Variants in SH3KBP1 observed in about 807,000 individuals in gnomAD.
The protein encoded by SH3KBP1 is SH3 domain containing kinase binding protein 1.
Under a neutral mutation model 50.1 loss-of-function variants are expected in SH3KBP1, and 8 were observed. The ratio of observed to expected loss-of-function variants is 0.16; its 90% CI spans 0.09 to 0.29. SH3KBP1 has a LOEUF of 0.29. Ranked by LOEUF, SH3KBP1 falls within the 10% of genes least tolerant of loss-of-function variation. The pLI, the probability that SH3KBP1 is intolerant of heterozygous loss-of-function variation, is 1.00. For missense variants in SH3KBP1, 377 were observed against 535.2 expected (o/e 0.70, Z 2.92); for synonymous variants, 227 against 218.6 (o/e 1.04, Z -0.34).
intron 6 of SH3KBP1, among the ~76,000 whole-genome samples, chrX:19,673,065 C>CAA (rs1174045446): frequency 4.6e-4 from 17 of 37,243 alleles, no homozygotes; most frequent in African/African-American, 7.4e-4. Context: ...GATTCTGTCT[C>CAA]AAAAAAAAAA....
chrX:19,539,343 T>C (rs1467554369), intron 16 of SH3KBP1, among the ~76,000 whole-genome samples: 1 of 112,481 alleles, frequency 8.9e-6, no homozygotes, highest in Non-Finnish European at 1.9e-5. Context: ...TCTGGGGCAG[T>C]GTCCCAGCTC....
intron 1 of SH3KBP1, among the ~76,000 whole-genome samples, chrX:19,842,114 T>C (rs762346524): frequency 1.5e-4 from 17 of 111,834 alleles, no homozygotes; most frequent in Non-Finnish European, 2.8e-4. Context: ...CTTTTTGGGG[T>C]GACGGAAATA....
chrX:19,753,842 GT>G (rs1454851661), intron 2 of SH3KBP1, among the ~76,000 whole-genome samples: 1 of 112,157 alleles, frequency 8.9e-6, no homozygotes, highest in Non-Finnish European at 1.9e-5. Context: ...TAAAGCAAGG[GT>G]GATGGGCACA....
intron 6 of SH3KBP1, among the ~76,000 whole-genome samples, chrX:19,668,212 A>G (rs1259556725): frequency 2.7e-5 from 3 of 110,928 alleles, no homozygotes; most frequent in Non-Finnish European, 5.7e-5. Context: ...GGCTCAAAAA[A>G]AAGTCTGGAA....
chrX:19,801,863 G>A (rs1249064196), intron 2 of SH3KBP1, among the ~76,000 whole-genome samples: 1 of 111,760 alleles, frequency 8.9e-6, no homozygotes, highest in Non-Finnish European at 1.9e-5. Context: ...ATCCCTTGAG[G>A]TCAGGAGTTT....
chrX:19,741,235 T>G (rs1416763525), intron 3 of SH3KBP1, among the ~76,000 whole-genome samples: 3 of 111,910 alleles, frequency 2.7e-5, no homozygotes, highest in Non-Finnish European at 5.6e-5. Flanking sequence ...TACCCACATA[T>G]CAATTCAGAG....
intron 4 of SH3KBP1, among the ~76,000 whole-genome samples, chrX:19,697,878 G>T (rs2063456953): frequency 8.9e-6 from 1 of 111,983 alleles, no homozygotes; most frequent in African/African-American, 3.2e-5. Context: ...GTAGGATACA[G>T]ACTTACAGAG....
At chrX:19,744,424 G>C (rs1424779147) in intron 3 of SH3KBP1, among the ~76,000 whole-genome samples, 1 of 111,896 alleles carries the variant, frequency 8.9e-6, no homozygotes, top group Non-Finnish European at 1.9e-5. Context: ...GACTGGTGGG[G>C]GAGGGCCAGA....
chrX:19,762,142 T>C (rs1044060812), intron 2 of SH3KBP1, among the ~76,000 whole-genome samples: 10 of 112,983 alleles, frequency 8.9e-5, no homozygotes, highest in Non-Finnish European at 1.7e-4. Context: ...ACCTTTAAGC[T>C]GTCCCTGTTC....
In SH3KBP1 at chrX:19,811,061, T is replaced by C. The variant is rs745392764; in HGVS notation, c.162+25064A>G. Among the ~76,000 whole-genome samples, 5 of 112,212 alleles carry C rather than the reference T, an allele frequency of 4.5e-5. No individual in the cohort carries two copies. The East Asian group carries it at 1.4e-3, about 31-fold the overall frequency. ...TTAACACAGAGTAGCTGAAACTACT[T>C]TCATAGGGCAGATGTATTTTTTTAA... On this transcript the variant is annotated intron_variant, in intron 2 of 17. Coordinates refer to ENST00000397821, the MANE Select transcript of SH3KBP1 (RefSeq NM_031892.3).
chrX:19,774,765 T>G (rs2065921959), intron 2 of SH3KBP1, among the ~76,000 whole-genome samples: 1 of 110,189 alleles, frequency 9.1e-6, no homozygotes, highest in Non-Finnish European at 1.9e-5. Context: ...ATATGGGGGG[T>G]TTATTAACTT....
At chrX:19,788,474 A>T (rs2066432089) in intron 2 of SH3KBP1, among the ~76,000 whole-genome samples, 1 of 110,186 alleles carries the variant, frequency 9.1e-6, no homozygotes, top group Admixed American at 9.7e-5. Flanking sequence ...AACCCTGCCC[A>T]CACCTTGATC....
intron 8 of SH3KBP1, among the ~76,000 whole-genome samples, chrX:19,623,168 GTTA>G (rs1326443479): frequency 4.5e-5 from 5 of 111,103 alleles, no homozygotes; most frequent in Admixed American, 9.6e-5. Context: ...GACAAAGAGG[GTTA>G]TTATAAAATA....
At chrX:19,829,373 G>C (rs1333654185) in intron 2 of SH3KBP1, among the ~76,000 whole-genome samples, 1 of 110,630 alleles carries the variant, frequency 9.0e-6, no homozygotes, top group Non-Finnish European at 1.9e-5. Context: ...CAATTTCCTA[G>C]GGGGAGAGGA....
chrX:19,742,305 T>C (rs1420163130), intron 3 of SH3KBP1, among the ~76,000 whole-genome samples: 1 of 110,743 alleles, frequency 9.0e-6, no homozygotes, highest in Non-Finnish European at 1.9e-5. Flanking sequence ...CTTGCTATGT[T>C]GCCCAGGCTG....
intron 3 of SH3KBP1, among the ~76,000 whole-genome samples, chrX:19,735,408 T>G (rs2064520361): frequency 9.1e-6 from 1 of 110,410 alleles, no homozygotes; most frequent in Non-Finnish European, 1.9e-5. Context: ...AGGCTATTAA[T>G]TTGAGATCTG....
intron 7 of SH3KBP1, among the ~76,000 whole-genome samples, chrX:19,633,584 TACA>T (rs2061628095): frequency 8.9e-6 from 1 of 112,237 alleles, no homozygotes; most frequent in Non-Finnish European, 1.9e-5. Flanking sequence ...TCTCAAAACT[TACA>T]ACAACACAAA....
chrX:19,634,136 G>A (rs2061648133), intron 7 of SH3KBP1, among the ~76,000 whole-genome samples: 1 of 105,414 alleles, frequency 9.5e-6, no homozygotes, highest in African/African-American at 3.5e-5. Flanking sequence ...GAGACCGAGA[G>A]ACACAGAGAG....
intron 2 of SH3KBP1, among the ~76,000 whole-genome samples, chrX:19,777,203 C>T (rs2066006603): frequency 9.0e-6 from 1 of 111,612 alleles, no homozygotes; most frequent in South Asian, 3.8e-4. Flanking sequence ...GCAGCTTCCA[C>T]CAGCAACTGG....
Sources: allele counts gnomAD v4.1 joint callset (sites outside exome capture counted in the v4.1 genomes callset), GRCh38; gene constraint gnomAD v4.1.1; transcripts MANE v1.5; gene names NCBI Gene and HGNC (gene_info 2026-07-23, HGNC 2026-07-21).